Variants in LIPC observed in about 807,000 individuals in gnomAD.
LIPC encodes lipase C, hepatic type.
In LIPC, 44 loss-of-function variants were observed where a neutral mutation model predicts 50.7. The observed-to-expected ratio is 0.87, with a 90% CI of 0.68 to 1.11. LIPC has a LOEUF of 1.11. LIPC is among the 50% of genes most tolerant of loss of function. LIPC has a pLI of 0.00. For missense variants in LIPC, 697 were observed against 648.2 expected (o/e 1.08, Z -0.82); for synonymous variants, 271 against 256.4 (o/e 1.06, Z -0.54).
rs1211817956 is a variant in LIPC, at chr15:58,563,378, C to G, written c.1170-127C>G. On this transcript the variant is annotated intron_variant, in intron 7 of 8. Transcript: ENST00000299022. ...AACTCTATCAATAGTCTGTTGAACA[C>G]TAGTTTGGGAAATGCAGCAAAAATC... 19 of 757,834 alleles carry G rather than the reference C, an allele frequency of 2.5e-5. 1 individual carries two copies. Among genetic ancestry groups the G allele is most frequent in the Non-Finnish European group, 4.2e-5 (18 of 433,174 alleles). 46.9% of individuals were successfully genotyped at this position (757,834 alleles called of 1,614,324 possible).
intron 1 of LIPC, among the ~76,000 whole-genome samples, chr15:58,529,377 A>C (rs1159386877): frequency 6.6e-6 from 1 of 152,184 alleles, no homozygotes; most frequent in East Asian, 1.9e-4. Flanking sequence ...CTGGGAGAGA[A>C]AGAAAAAAAT....
chr15:58,557,154 G>A (rs1893980395), intron 6 of LIPC, among the ~76,000 whole-genome samples: 1 of 152,084 alleles, frequency 6.6e-6, no homozygotes, highest in African/African-American at 2.4e-5. Flanking sequence ...AAGTTCTGGA[G>A]TCAGGTTGTG....
At chr15:58,445,064 A>G (rs527981798) in intron 1 of LIPC, among the ~76,000 whole-genome samples, 1 of 152,360 alleles carries the variant, frequency 6.6e-6, no homozygotes, top group East Asian at 1.9e-4. Flanking sequence ...TGAGACACAC[A>G]GGAGCCGGCT....
rs370241029 is a variant in LIPC at position 58,557,776 on chromosome 15, G to A, written c.1052-3088G>A. ...ATCATATTAAACTGAATTGAAGATC[G>A]GTTACTATGAGTGTTCCTTGAGAAC... On this transcript the variant is annotated intron_variant, in intron 6 of 8. Coordinates refer to ENST00000299022, the MANE Select transcript of LIPC (RefSeq NM_000236.3). Among the ~76,000 whole-genome samples, 9 of 152,184 alleles carry A rather than the reference G, an allele frequency of 5.9e-5. No individual in the cohort carries two copies. In the South Asian group the frequency reaches 1.0e-3, roughly 18 times the overall value.
chr15:58,450,042 G>T (rs1406846397), intron 1 of LIPC, among the ~76,000 whole-genome samples: 1 of 152,166 alleles, frequency 6.6e-6, no homozygotes, highest in Non-Finnish European at 1.5e-5. Flanking sequence ...GAGACCCTTA[G>T]CACCTTAGTA....
chr15:58,444,285 C>A (rs1348796939), intron 1 of LIPC, among the ~76,000 whole-genome samples: 1 of 152,188 alleles, frequency 6.6e-6, no homozygotes, highest in Non-Finnish European at 1.5e-5. Context: ...CGTGAGTGAG[C>A]CTATCCACTC....
intron 1 of LIPC, among the ~76,000 whole-genome samples, chr15:58,469,655 C>T (rs777569940): frequency 2.0e-5 from 3 of 152,196 alleles, no homozygotes; most frequent in Non-Finnish European, 2.9e-5. Context: ...GGCCTGCCCT[C>T]GGGAGGACTG....
intron 8 of LIPC, among the ~76,000 whole-genome samples, chr15:58,567,229 A>ATG (rs1894398645): frequency 7.1e-6 from 1 of 141,198 alleles, no homozygotes; most frequent in Non-Finnish European, 1.5e-5. Context: ...ATATATATAT[A>ATG]TGTATATATG....
At chr15:58,500,065 C>T (rs1162855084) in intron 1 of LIPC, among the ~76,000 whole-genome samples, 7 of 152,056 alleles carry the variant, frequency 4.6e-5, no homozygotes, top group Admixed American at 1.3e-4. Context: ...AGACAGGGCA[C>T]GGGGCAGAGT....
intron 4 of LIPC, among the ~76,000 whole-genome samples, chr15:58,542,896 G>A (rs181169254): frequency 1.2e-3 from 187 of 152,298 alleles, no homozygotes; most frequent in African/African-American, 4.2e-3. Context: ...CCTCATGTTG[G>A]TGTGCCAAAT....
At chr15:58,471,643 G>C (rs1465950488) in intron 1 of LIPC, among the ~76,000 whole-genome samples, 1 of 152,198 alleles carries the variant, frequency 6.6e-6, no homozygotes, top group Non-Finnish European at 1.5e-5. Context: ...GAGCTGAATA[G>C]TGAATGGAGA....
At chr15:58,525,509 C>A (rs1045966429) in intron 1 of LIPC, among the ~76,000 whole-genome samples, 8 of 152,212 alleles carry the variant, frequency 5.3e-5, no homozygotes, top group African/African-American at 1.4e-4. Context: ...CCAATATATG[C>A]CTGCAGGCAT....
At chr15:58,490,639 T>C (rs1189136742) in intron 1 of LIPC, among the ~76,000 whole-genome samples, 1 of 152,168 alleles carries the variant, frequency 6.6e-6, no homozygotes, top group Non-Finnish European at 1.5e-5. Flanking sequence ...TCTGCCACTC[T>C]CCAGTGAATA....
chr15:58,462,382 A>G (rs1173893781), intron 1 of LIPC, among the ~76,000 whole-genome samples: 1 of 152,210 alleles, frequency 6.6e-6, no homozygotes, highest in Non-Finnish European at 1.5e-5. Flanking sequence ...TCTGGCACCA[A>G]CCCTATTCTG....
chr15:58,485,168 G>A (rs1325160469), intron 1 of LIPC, among the ~76,000 whole-genome samples: 1 of 152,198 alleles, frequency 6.6e-6, no homozygotes, highest in Non-Finnish European at 1.5e-5. Flanking sequence ...CATGTAGAAT[G>A]CATTGGAAGA....
chr15:58,469,770 C>T (rs901717942), intron 1 of LIPC, among the ~76,000 whole-genome samples: 9 of 152,146 alleles, frequency 5.9e-5, no homozygotes, highest in African/African-American at 2.2e-4. Flanking sequence ...CAGTGGATTC[C>T]AGTTACTAAC....
chr15:58,471,864 CT>C (rs1237883541), intron 1 of LIPC, among the ~76,000 whole-genome samples: 16 of 152,220 alleles, frequency 1.1e-4, no homozygotes, highest in African/African-American at 3.9e-4. Context: ...TTTCCCACCC[CT>C]CTCAATGACC....
At chr15:58,461,725 T>C (rs1421881394) in intron 1 of LIPC, among the ~76,000 whole-genome samples, 20 of 151,966 alleles carry the variant, frequency 1.3e-4, no homozygotes, top group African/African-American at 4.8e-4. Flanking sequence ...GCCACCTATG[T>C]TCTTAATCCC....
rs558607410 is a variant in LIPC at position 58,520,571 on chromosome 15, G to A, written c.89-17762G>A. Among the ~76,000 whole-genome samples, 7 of 152,288 alleles carry A rather than the reference G, an allele frequency of 4.6e-5. No individual in the cohort carries two copies. The East Asian group carries it at 1.4e-3, about 29-fold the overall frequency. On this transcript the variant is annotated intron_variant, in intron 1 of 8. Coordinates refer to ENST00000299022, the MANE Select transcript of LIPC (RefSeq NM_000236.3). Reference sequence around the variant, plus strand: ...GCCCGCTGGAAAGCTGCCCCAGACAGAATTTCCTCAGTTGCATCCTATGGA... The same window carrying A: ...GCCCGCTGGAAAGCTGCCCCAGACAAAATTTCCTCAGTTGCATCCTATGGA...
Sources: gnomAD v4.1 joint callset for allele counts (sites outside exome capture counted in the v4.1 genomes callset) on GRCh38, gnomAD v4.1.1 for gene constraint, MANE v1.5 for transcripts, NCBI Gene and HGNC (gene_info 2026-07-23, HGNC 2026-07-21) for gene names.